Variants in ADK observed in about 807,000 individuals in gnomAD.
The protein encoded by ADK is N6,N6-dimethyladenosine kinase.
In ADK, 24 loss-of-function variants were observed where a neutral mutation model predicts 44.7. The ratio of observed to expected loss-of-function variants is 0.54; its 90% CI spans 0.39 to 0.76. The LOEUF is 0.76. Ranked by LOEUF, ADK falls within the 30% of genes least tolerant of loss-of-function variation. ADK has a pLI of 0.00. For synonymous variants in ADK, 128 were observed against 142.6 expected, an observed-to-expected ratio of 0.90 and a Z score of 0.73; for missense variants, 321 against 425.1, an observed-to-expected ratio of 0.76 and a Z score of 2.15.
intron 4 of ADK, among the ~76,000 whole-genome samples, chr10:74,317,517 G>C (rs1189892091): frequency 6.7e-6 from 1 of 148,740 alleles, no homozygotes; most frequent in Non-Finnish European, 1.5e-5. Context: ...CTTGAGTCCA[G>C]TAGTTTGAGA....
At chr10:74,654,117 A>G (rs564144347) in intron 9 of ADK, among the ~76,000 whole-genome samples, 1 of 152,248 alleles carries the variant, frequency 6.6e-6, no homozygotes, top group Non-Finnish European at 1.5e-5. Context: ...TGGAAAGTCC[A>G]TGATTAGAAA....
chr10:74,185,903 A>T (rs1842741204), intron 1 of ADK, among the ~76,000 whole-genome samples: 1 of 148,014 alleles, frequency 6.8e-6, no homozygotes, highest in African/African-American at 2.5e-5. Flanking sequence ...GCTGGAGTGC[A>T]GCTGCCCGAT....
chr10:74,675,313 A>T (rs1855349064), intron 10 of ADK, among the ~76,000 whole-genome samples: 1 of 152,328 alleles, frequency 6.6e-6, no homozygotes, highest in Admixed American at 6.5e-5. Flanking sequence ...ATTTTCATGT[A>T]TAATTTAAAA....
intron 6 of ADK, among the ~76,000 whole-genome samples, chr10:74,500,948 G>A (rs1395381874): frequency 3.3e-5 from 5 of 152,170 alleles, no homozygotes; most frequent in Admixed American, 3.3e-4. Flanking sequence ...TGCATTTACT[G>A]ACAGTTTGGC....
intron 10 of ADK, among the ~76,000 whole-genome samples, chr10:74,671,047 A>AAAAAAAAAAG (rs1855156106): frequency 6.6e-6 from 1 of 150,388 alleles, no homozygotes; most frequent in Non-Finnish European, 1.5e-5. Flanking sequence ...TTAAAAAAAA[A>AAAAAAAAAAG]AAAAAAAAAG....
chr10:74,422,982 A>G (rs2066895891), intron 6 of ADK, among the ~76,000 whole-genome samples: 1 of 152,122 alleles, frequency 6.6e-6, no homozygotes, highest in Non-Finnish European at 1.5e-5. Flanking sequence ...TCCCTTCCCT[A>G]GCTGCTCATC....
intron 9 of ADK, among the ~76,000 whole-genome samples, chr10:74,642,827 CTTTTTTTTT>C (rs770015945): frequency 3.9e-5 from 3 of 77,492 alleles, no homozygotes; most frequent in Non-Finnish European, 5.4e-5. Context: ...ATCTTAAGTT[CTTTTTTTTT>C]TTTTTTTTTT....
chr10:74,690,098 TA>T (rs1357415561), intron 10 of ADK, among the ~76,000 whole-genome samples: 1 of 152,246 alleles, frequency 6.6e-6, no homozygotes, highest in East Asian at 1.9e-4. Flanking sequence ...TCTTTCCTAG[TA>T]AGTTCATATT....
intron 1 of ADK, among the ~76,000 whole-genome samples, chr10:74,160,459 T>A (rs960888288): frequency 5.9e-5 from 9 of 152,240 alleles, no homozygotes; most frequent in Non-Finnish European, 1.3e-4. Context: ...TGCTTTACAC[T>A]GCTGCTTCAA....
At chr10:74,283,684 C>CTT (rs774619771) in intron 3 of ADK, among the ~76,000 whole-genome samples, 12 of 95,578 alleles carry the variant, frequency 1.3e-4, no homozygotes, top group African/African-American at 2.3e-4. Flanking sequence ...TTCTTTCTTT[C>CTT]TTTTTTTTTT....
chr10:74,531,774 CCTT>C (rs908111621), intron 7 of ADK, among the ~76,000 whole-genome samples: 21 of 152,064 alleles, frequency 1.4e-4, no homozygotes, highest in Non-Finnish European at 2.4e-4. Context: ...TGAAGCGAGT[CCTT>C]CTACCTCAGC....
chr10:74,310,652 CT>C (rs1031712870), intron 3 of ADK, among the ~76,000 whole-genome samples: 71 of 152,258 alleles, frequency 4.7e-4, no homozygotes, highest in African/African-American at 1.5e-3. Context: ...AAAAAGTCTG[CT>C]TTTCACACTG....
intron 7 of ADK, among the ~76,000 whole-genome samples, chr10:74,544,501 TGTG>T (rs1473732262): frequency 6.6e-6 from 1 of 152,158 alleles, no homozygotes; most frequent in African/African-American, 2.4e-5. Context: ...ACTTGATAAA[TGTG>T]GTGGGAGGTG....
intron 1 of ADK, among the ~76,000 whole-genome samples, chr10:74,182,207 G>T (rs1288363763): frequency 6.6e-6 from 1 of 151,840 alleles, no homozygotes; most frequent in Non-Finnish European, 1.5e-5. Flanking sequence ...ATTTTTACCT[G>T]TGTTTTTAAA....
chr10:74,565,726 T>TAAAAAAAA (rs1463898990), intron 7 of ADK, among the ~76,000 whole-genome samples: 1 of 44,920 alleles, frequency 2.2e-5, no homozygotes. Context: ...AAACTCCGTC[T>TAAAAAAAA]CAAAAAAAAA....
intron 6 of ADK, among the ~76,000 whole-genome samples, chr10:74,474,520 C>T (rs1037591991): frequency 1.3e-5 from 2 of 148,986 alleles, no homozygotes; most frequent in African/African-American, 4.9e-5. Flanking sequence ...CCTTCCCTTC[C>T]CTTTCTTTCC....
intron 6 of ADK, among the ~76,000 whole-genome samples, chr10:74,409,873 A>G (rs1187818441): frequency 6.6e-6 from 1 of 152,204 alleles, no homozygotes; most frequent in Non-Finnish European, 1.5e-5. Context: ...TACATTTTAC[A>G]TCTCCTGCTT....
chr10:74,517,688 C>CAAA (rs543658712), intron 6 of ADK, among the ~76,000 whole-genome samples: 143 of 95,518 alleles, frequency 1.5e-3, no homozygotes, highest in African/African-American at 5.1e-3. Context: ...GTCTCTGTCT[C>CAAA]AAAAAAAAAA....
intron 7 of ADK, among the ~76,000 whole-genome samples, chr10:74,536,770 A>C (rs1849463946): frequency 6.6e-6 from 1 of 152,124 alleles, no homozygotes; most frequent in Non-Finnish European, 1.5e-5. Context: ...AAGTTGTCTG[A>C]CTTAATTTCA....
Sources: allele counts gnomAD v4.1 joint callset (sites outside exome capture counted in the v4.1 genomes callset), GRCh38; gene constraint gnomAD v4.1.1; transcripts MANE v1.5; gene names NCBI Gene and HGNC (gene_info 2026-07-23, HGNC 2026-07-21).